The following SDCCAG8 variants were observed in gnomAD, a reference collection of about 807,000 sequenced individuals.
The protein encoded by SDCCAG8 is SHH signaling and ciliogenesis regulator SDCCAG8.
Under a neutral mutation model 101.8 loss-of-function variants are expected in SDCCAG8, and 74 were observed. The observed-to-expected ratio is 0.73, with a 90% CI of 0.60 to 0.88. The LOEUF is 0.88. SDCCAG8 is among the 40% of genes least tolerant of loss of function. SDCCAG8 has a pLI of 0.00. For missense variants in SDCCAG8, 787 were observed against 822.6 expected, an observed-to-expected ratio of 0.96 and a Z score of 0.53; for synonymous variants, 281 against 292.9, an observed-to-expected ratio of 0.96 and a Z score of 0.41.
chr1:243,259,459 G>A (rs565862173), intron 1 of SDCCAG8, among the ~76,000 whole-genome samples: 1 of 152,102 alleles, frequency 6.6e-6, no homozygotes, highest in South Asian at 2.1e-4. Context: ...CTTTAATGTT[G>A]GTACTATTAT....
At chr1:243,454,821 A>G (rs766087768) in intron 16 of SDCCAG8, among the ~76,000 whole-genome samples, 12 of 152,148 alleles carry the variant, frequency 7.9e-5, no homozygotes, top group African/African-American at 1.2e-4. Context: ...TTCAGTCAGC[A>G]TGACAGATGC....
At chr1:243,266,962 A>T (rs1443883858) in intron 1 of SDCCAG8, among the ~76,000 whole-genome samples, 5 of 148,008 alleles carry the variant, frequency 3.4e-5, no homozygotes, top group Admixed American at 6.7e-5. Flanking sequence ...AAAAAAAAAA[A>T]TGCTGGGCGC....
chr1:243,351,973 C>A (rs2076104369), intron 12 of SDCCAG8, among the ~76,000 whole-genome samples: 1 of 152,152 alleles, frequency 6.6e-6, no homozygotes, highest in South Asian at 2.1e-4. Flanking sequence ...AGCATTTAGT[C>A]ACGTTGTTAA....
In SDCCAG8 at chr1:243,304,703, T is replaced by C; in HGVS notation, c.676-10T>C. On this transcript the variant is annotated splice_polypyrimidine_tract_variant and intron_variant, in intron 6 of 17. Coordinates refer to ENST00000366541, the MANE Select transcript of SDCCAG8 (RefSeq NM_006642.5). ...AGAGAAAAATGTACTTCTATTTTTC[T>C]TTTCTATAGGAGAAGCTAAAACTTA... 1.4e-6 allele frequency: 2 copies of C among 1,477,358 alleles called. No individual in the cohort carries two copies. Among genetic ancestry groups the C allele is most frequent in the Non-Finnish European group, 1.9e-6 (2 of 1,056,350 alleles). 91.5% of individuals were successfully genotyped at this position (1,477,358 alleles called of 1,614,324 possible).
In SDCCAG8 at chr1:243,489,157, G is replaced by A. The variant is rs754713552; in HGVS notation, c.2112+17G>A. ...CGGACCCAGGTACTGTGCAGAACGC[G>A]GCGCAGGTGGGAGTCCTTGGGCGGG... On this transcript the variant is annotated intron_variant, in intron 17 of 17. Transcript: ENST00000366541. 548 of 1,610,566 alleles carry A rather than the reference G, an allele frequency of 3.4e-4. No individual in the cohort carries two copies. Among genetic ancestry groups the A allele is most frequent in the Non-Finnish European group, 4.2e-4 (501 of 1,179,244 alleles).
chr1:243,356,094 A>G (rs1272980717), intron 12 of SDCCAG8, among the ~76,000 whole-genome samples: 1 of 152,224 alleles, frequency 6.6e-6, no homozygotes, highest in African/African-American at 2.4e-5. Flanking sequence ...CACTATGTGT[A>G]TAGCAAATTA....
At chr1:243,305,366 T>G (rs2071990922) in intron 7 of SDCCAG8, 1 of 151,944 alleles carries the variant, frequency 6.6e-6, no homozygotes, top group African/African-American at 2.4e-5. Flanking sequence ...ATTATGATAT[T>G]CAAGTAAAAT....
intron 4 of SDCCAG8, among the ~76,000 whole-genome samples, chr1:243,285,545 G>A (rs1462567345): frequency 6.6e-6 from 1 of 152,152 alleles, no homozygotes; most frequent in Non-Finnish European, 1.5e-5. Flanking sequence ...ATTTTCACAT[G>A]TTGTACAATA....
chr1:243,330,416 TTATTC>T, intron 9 of SDCCAG8, 119 bp from the exon 10 acceptor site: 1 of 903,048 alleles, frequency 1.1e-6, no homozygotes, highest in South Asian at 1.6e-5. Context: ...CAATAAAAAA[TTATTC>T]TAATGGGCTT....
chr1:243,303,798 C>T (rs943831661), intron 6 of SDCCAG8, among the ~76,000 whole-genome samples: 6 of 152,018 alleles, frequency 3.9e-5, no homozygotes, highest in Admixed American at 2.0e-4. Context: ...TGGGGCCAGG[C>T]GCAGTGGCTC....
chr1:243,361,031 G>A (rs1282796511), intron 12 of SDCCAG8, among the ~76,000 whole-genome samples: 3 of 152,104 alleles, frequency 2.0e-5, no homozygotes, highest in Non-Finnish European at 2.9e-5. Context: ...GGTCATTTTC[G>A]TTTGGGCCTG....
chr1:243,425,799 A>G (rs944645077), intron 15 of SDCCAG8, among the ~76,000 whole-genome samples: 6 of 152,198 alleles, frequency 3.9e-5, no homozygotes, highest in Admixed American at 2.6e-4. Flanking sequence ...GGGGAGGTCA[A>G]TCTTTTTTCT....
At chr1:243,298,851 T>G (rs10926984) in intron 6 of SDCCAG8, among the ~76,000 whole-genome samples, 16,721 of 152,254 alleles carry the variant, frequency 0.11, 1,204 homozygotes, top group Non-Finnish European at 0.15. Context: ...GTCTTGATTG[T>G]TATAGCCTGA....
At chr1:243,304,852 C>A in intron 7 of SDCCAG8, 75 bp downstream of exon 7, 1 of 926,328 alleles carries the variant, frequency 1.1e-6, no homozygotes, top group Non-Finnish European at 1.8e-6. Context: ...GTTTGCTGAA[C>A]TTCTAGTTTT....
intron 5 of SDCCAG8, among the ~76,000 whole-genome samples, chr1:243,292,634 CT>C (rs1304249179): frequency 6.6e-6 from 1 of 152,138 alleles, no homozygotes; most frequent in African/African-American, 2.4e-5. Flanking sequence ...ACAATGAAAC[CT>C]ATCTATCCCA....
At chr1:243,463,923 G>A (rs749733131) in intron 16 of SDCCAG8, among the ~76,000 whole-genome samples, 1 of 152,114 alleles carries the variant, frequency 6.6e-6, no homozygotes, top group East Asian at 1.9e-4. Flanking sequence ...TGAACTCTCG[G>A]TGTTCCCGTG....
chr1:243,299,482 T>G (rs1365696330), intron 6 of SDCCAG8, among the ~76,000 whole-genome samples: 2 of 152,132 alleles, frequency 1.3e-5, no homozygotes, highest in African/African-American at 4.8e-5. Flanking sequence ...GGCATGATCT[T>G]GGCTCACTGC....
intron 12 of SDCCAG8, among the ~76,000 whole-genome samples, chr1:243,363,662 A>G (rs573274831): frequency 1.3e-5 from 2 of 152,316 alleles, no homozygotes; most frequent in South Asian, 2.1e-4. Flanking sequence ...CATTTACCCT[A>G]TATCTCTCTG....
chr1:243,269,978 A>G, intron 1 of SDCCAG8, 127 bp from the exon 2 acceptor site: 5 of 1,287,752 alleles, frequency 3.9e-6, no homozygotes, highest in Non-Finnish European at 5.5e-6. Context: ...TAGAAACAGA[A>G]CTCTGCGTTT....
Sources: allele counts gnomAD v4.1 joint callset (sites outside exome capture counted in the v4.1 genomes callset), GRCh38; gene constraint gnomAD v4.1.1; transcripts MANE v1.5; gene names NCBI Gene and HGNC (gene_info 2026-07-23, HGNC 2026-07-21).